CACNA2D1: variants seen among roughly 807,000 people sequenced by gnomAD.
The protein encoded by CACNA2D1 is calcium voltage-gated channel auxiliary subunit alpha2delta 1.
CACNA2D1 carries 53 observed loss-of-function variants against 171.5 expected under a neutral mutation model. The ratio of observed to expected loss-of-function variants is 0.31; its 90% CI spans 0.25 to 0.39. The LOEUF (loss-of-function observed/expected upper bound fraction) is 0.39, where lower values mean the gene tolerates loss of function less well. CACNA2D1 is among the 10% of genes least tolerant of loss of function. The pLI, the probability that CACNA2D1 is intolerant of heterozygous loss-of-function variation, is 1.00. For synonymous variants in CACNA2D1, 442 were observed against 443.1 expected (o/e 1.00, Z 0.03); for missense variants, 903 against 1,299.8 (o/e 0.69, Z 4.69).
At chr7:82,082,853 A>C (rs1014808832) in intron 7 of CACNA2D1, among the ~76,000 whole-genome samples, 3 of 152,068 alleles carry the variant, frequency 2.0e-5, no homozygotes, top group African/African-American at 7.2e-5. Flanking sequence ...AATTAAAGCC[A>C]TCATCCCTCA....
chr7:82,340,525 C>A (rs948685009), intron 2 of CACNA2D1, among the ~76,000 whole-genome samples: 4 of 151,660 alleles, frequency 2.6e-5, no homozygotes, highest in Non-Finnish European at 4.4e-5. Flanking sequence ...ATTCACTATT[C>A]CTAATAATGA....
At chr7:82,420,768 G>A (rs188351070) in intron 1 of CACNA2D1, among the ~76,000 whole-genome samples, 3 of 151,214 alleles carry the variant, frequency 2.0e-5, no homozygotes, top group East Asian at 3.9e-4. Context: ...TATGTTTTAC[G>A]TGGATCAAAT....
chr7:82,055,930 G>GTATA (rs58786082), intron 10 of CACNA2D1, among the ~76,000 whole-genome samples: 2,401 of 111,306 alleles, frequency 0.022, 60 homozygotes, highest in East Asian at 0.13. Context: ...GTGTGTGTGT[G>GTATA]TATATATATA....
chr7:82,139,209 G>T (rs1792065066), intron 4 of CACNA2D1, among the ~76,000 whole-genome samples: 1 of 151,972 alleles, frequency 6.6e-6, no homozygotes, highest in African/African-American at 2.4e-5. Context: ...CTTGGTCCAT[G>T]GTACTAGAAT....
chr7:81,995,767 C>A (rs37100), intron 19 of CACNA2D1, among the ~76,000 whole-genome samples: 3,430 of 148,048 alleles, frequency 0.023, 133 homozygotes, highest in African/African-American at 0.076. Context: ...CCACTGCACT[C>A]CAGCCTGGGC....
intron 3 of CACNA2D1, among the ~76,000 whole-genome samples, chr7:82,205,714 C>T (rs1425012391): frequency 6.6e-6 from 1 of 152,022 alleles, no homozygotes; most frequent in East Asian, 1.9e-4. Context: ...GTAGATTTTG[C>T]TATTTACGTT....
At position 81,950,418 on chromosome 7, in the gene CACNA2D1, A is replaced by G; in HGVS notation, c.3250T>C (p.Ser1084Pro). Residue 1084 changes from serine to proline, a missense_variant, in exon 39 of 39, where the codon TCT (serine) becomes CCT (proline). This residue lies in a region of CACNA2D1 where 38 missense variants were observed against 29.2 expected (regional missense o/e 1.30). Transcript: ENST00000356860. ...CATAACAGGCGGTGTGTGCTGCCAG[A>G]TACCAGCCAAAGTAGTAGAAACTGG... ...GIQFLLLWLV[S>P]GSTHRLL The G allele has an allele frequency of 1.2e-6, 2 of 1,613,392 alleles. No individual in the cohort carries two copies. The highest frequency in any genetic ancestry group is 1.7e-6 in the Non-Finnish European group (2 of 1,179,582).
chr7:82,332,526 G>GAGAAAGAAAGAAAGAAAGAAAGAAAA (rs1563381031), intron 3 of CACNA2D1, among the ~76,000 whole-genome samples: 1 of 51,202 alleles, frequency 2.0e-5, no homozygotes, highest in Non-Finnish European at 5.4e-5. Flanking sequence ...AAGAAAGAAA[G>GAGAAAGAAAGAAAGAAAGAAAGAAAA]AAAGAAAGAA....
intron 3 of CACNA2D1, among the ~76,000 whole-genome samples, chr7:82,303,199 A>G (rs1010688724): frequency 3.3e-5 from 5 of 151,960 alleles, no homozygotes; most frequent in South Asian, 2.1e-4. Flanking sequence ...GGATTTCACT[A>G]TGTTAGCCAG....
chr7:82,251,480 T>G (rs1483677918), intron 3 of CACNA2D1, among the ~76,000 whole-genome samples: 6 of 152,150 alleles, frequency 3.9e-5, no homozygotes, highest in Admixed American at 3.9e-4. Context: ...TCAAAGGAAA[T>G]ATTTACATAC....
chr7:82,231,520 C>T (rs1802928785), intron 3 of CACNA2D1, among the ~76,000 whole-genome samples: 1 of 151,908 alleles, frequency 6.6e-6, no homozygotes, highest in Admixed American at 6.6e-5. Context: ...TTGAGGGGAC[C>T]AAACACATAG....
At chr7:82,439,123 GA>G (rs761670945) in intron 1 of CACNA2D1, among the ~76,000 whole-genome samples, 6 of 151,994 alleles carry the variant, frequency 3.9e-5, no homozygotes, top group Non-Finnish European at 8.8e-5. Flanking sequence ...GAGAAATAGG[GA>G]AATCAAGAGA....
chr7:82,044,763 T>C (rs1017490659), intron 10 of CACNA2D1, among the ~76,000 whole-genome samples: 1 of 152,202 alleles, frequency 6.6e-6, no homozygotes, highest in African/African-American at 2.4e-5. Context: ...GCTTGTTTTA[T>C]GTACTTATTC....
intron 1 of CACNA2D1, among the ~76,000 whole-genome samples, chr7:82,420,356 G>C (rs1022804200): frequency 6.6e-6 from 1 of 152,178 alleles, no homozygotes; most frequent in African/African-American, 2.4e-5. Context: ...TAAATGACCA[G>C]CATTCCTGAT....
At chr7:82,156,669 T>C (rs1794408279) in intron 4 of CACNA2D1, among the ~76,000 whole-genome samples, 1 of 149,996 alleles carries the variant, frequency 6.7e-6, no homozygotes, top group Admixed American at 6.7e-5. Context: ...TCAATGTGCA[T>C]AATATCAAGT....
rs574207806 is a variant in CACNA2D1, at chr7:82,096,568, G to A, written c.527-11668C>T. ...CTAGCCATGGAAATATTAATATAAA[G>A]CATTTCAATAAACCAGTAGACACAA... On this transcript the variant is annotated intron_variant, in intron 6 of 38. Coordinates refer to ENST00000356860, the MANE Select transcript of CACNA2D1 (RefSeq NM_000722.4). Among the ~76,000 whole-genome samples, 7 of 150,646 alleles carry A rather than the reference G, an allele frequency of 4.6e-5. No individual in the cohort carries two copies. In the South Asian group the frequency reaches 1.5e-3, roughly 32 times the overall value.
Position 82,138,448 on chromosome 7 carries a change from TG to T in CACNA2D1, c.355-1773del, listed in dbSNP as rs1214002366. ...TTAGTTTTGTTTTTTTTGTTTTTTT[TG>T]TTTTTTTTTTTTTTTGAGACAGAGT... is the stretch of plus-strand genomic sequence containing the variant. On this transcript the variant is annotated intron_variant, in intron 4 of 38. Coordinates refer to ENST00000356860, the MANE Select transcript of CACNA2D1 (RefSeq NM_000722.4). Among the ~76,000 whole-genome samples the T allele has an allele frequency of 6.3e-3, 330 of 52,588 alleles. 3 individuals carry two copies. The highest frequency in any genetic ancestry group is 0.047 in the East Asian group (74 of 1,572). The allele number at this position is 52,588 out of a possible 152,430, so 34.5% of individuals were successfully genotyped here.
intron 1 of CACNA2D1, among the ~76,000 whole-genome samples, chr7:82,375,125 A>G (rs1249433369): frequency 1.3e-5 from 2 of 152,178 alleles, no homozygotes; most frequent in African/African-American, 4.8e-5. Flanking sequence ...GAGATAGAAG[A>G]AAAAATGAGC....
chr7:82,418,405 T>A (rs893735080), intron 1 of CACNA2D1, among the ~76,000 whole-genome samples: 36 of 152,192 alleles, frequency 2.4e-4, no homozygotes, highest in African/African-American at 8.2e-4. Context: ...AAGAGCCTCA[T>A]TAATGCCAAT....
Sources: gnomAD v4.1 joint callset for allele counts (sites outside exome capture counted in the v4.1 genomes callset) on GRCh38, gnomAD v4.1.1 for gene constraint, gnomAD v4.1.1 regional missense constraint, MANE v1.5 for transcripts, NCBI Gene and HGNC (gene_info 2026-07-23, HGNC 2026-07-21) for gene names.